The following RIN2 variants were observed in gnomAD, a reference collection of about 807,000 sequenced individuals.
The protein encoded by RIN2 is RAB5 interacting protein 2.
RIN2 carries 36 observed loss-of-function variants against 78.0 expected under a neutral mutation model. That is an observed-to-expected ratio of 0.46 (90% CI 0.35 to 0.61). The LOEUF (loss-of-function observed/expected upper bound fraction) is 0.61. Ranked by LOEUF, RIN2 falls within the 20% of genes least tolerant of loss-of-function variation. The probability of loss-of-function intolerance (pLI) is 0.00; values close to 1 mark genes in which losing one functional copy is unlikely to be tolerated. For missense variants in RIN2, 1,087 were observed against 1,159.7 expected (o/e 0.94, Z 0.91); for synonymous variants, 466 against 466.8 (o/e 1.00, Z 0.02).
intron 3 of RIN2, among the ~76,000 whole-genome samples, chr20:19,911,964 G>T (rs1300830628): frequency 2.1e-5 from 3 of 141,106 alleles, no homozygotes; most frequent in African/African-American, 8.2e-5. Context: ...CAAGACAGGG[G>T]CTGTCTGTGG....
chr20:19,800,993 G>A (rs1379740146), intron 2 of RIN2, among the ~76,000 whole-genome samples: 1 of 152,192 alleles, frequency 6.6e-6, no homozygotes. Context: ...TCTGGGCTGG[G>A]AGCTGGGCCT....
intron 2 of RIN2, among the ~76,000 whole-genome samples, chr20:19,804,560 G>T: frequency 6.6e-6 from 1 of 152,156 alleles, no homozygotes; most frequent in East Asian, 1.9e-4. Flanking sequence ...ACTTGATCGT[G>T]GTGAATAAGC....
At chr20:19,886,350 T>C (rs1259108863) in intron 2 of RIN2, among the ~76,000 whole-genome samples, 1 of 152,168 alleles carries the variant, frequency 6.6e-6, no homozygotes, top group Non-Finnish European at 1.5e-5. Flanking sequence ...CTTTCTGCTT[T>C]TTAAGGACAG....
chr20:19,916,458 GAAATAA>G (rs1402772004), intron 3 of RIN2, among the ~76,000 whole-genome samples: 3 of 152,120 alleles, frequency 2.0e-5, no homozygotes, highest in African/African-American at 7.2e-5. Context: ...ATCTGTACAA[GAAATAA>G]AAATATTAGC....
At chr20:19,919,227 G>A (rs935064780) in intron 3 of RIN2, among the ~76,000 whole-genome samples, 7 of 152,144 alleles carry the variant, frequency 4.6e-5, no homozygotes, top group East Asian at 1.9e-4. Flanking sequence ...AAGGCCTGCC[G>A]GTCATCTGCC....
At chr20:19,902,181 ATGTGGTG>A (rs1461641398) in intron 3 of RIN2, among the ~76,000 whole-genome samples, 2 of 152,318 alleles carry the variant, frequency 1.3e-5, no homozygotes, top group African/African-American at 4.8e-5. Context: ...TTTGTGAAGT[ATGTGGTG>A]GCTCCGTGGA....
chr20:19,847,171 G>A (rs1459354293), intron 2 of RIN2, among the ~76,000 whole-genome samples: 1 of 152,166 alleles, frequency 6.6e-6, no homozygotes, highest in African/African-American at 2.4e-5. Context: ...CCTCTTGAGG[G>A]ATGCTCATTG....
At chr20:19,851,050 GAGA>G (rs1286576973) in intron 2 of RIN2, among the ~76,000 whole-genome samples, 2,094 of 54,642 alleles carry the variant, frequency 0.038, 40 homozygotes, top group Non-Finnish European at 0.045. Flanking sequence ...AGGAAGGAAG[GAGA>G]AAGAAAGGAA....
At position 19,786,186 on chromosome 20, in the gene RIN2, GT is replaced by G. The variant is rs533208075; in HGVS notation, c.-162-13433del. On this transcript the variant is annotated intron_variant, in intron 1 of 12. Coordinates refer to ENST00000255006, the MANE Select transcript of RIN2 (RefSeq NM_018993.4). ...ATGCCTGTCTCTTGAGTCTGAGTGG[GT>G]TTGTGTCTCACTTGTACCCAATAGA... 3.2e-4 allele frequency among the ~76,000 whole-genome samples: 48 copies of G among 152,256 alleles called. No homozygotes were observed. In the East Asian group the frequency reaches 7.3e-3, roughly 23 times the overall value.
At chr20:19,900,628 C>T (rs1283350647) in intron 3 of RIN2, among the ~76,000 whole-genome samples, 1 of 147,098 alleles carries the variant, frequency 6.8e-6, no homozygotes. Context: ...GTCTCTACTA[C>T]ATTAAAAAAA....
At chr20:19,989,981 A>G (rs749510505) in intron 9 of RIN2, 25 bp from the exon 10 acceptor site, 12 of 1,509,580 alleles carry the variant, frequency 7.9e-6, no homozygotes, top group Non-Finnish European at 9.7e-6. Flanking sequence ...GACAATAGTC[A>G]TAGTAGCTAC....
rs754436901 is a variant in RIN2, at chr20:19,974,826, G to T, written c.801G>T (p.Gly267=). 6.2e-7 allele frequency: 1 copy of T among 1,613,950 alleles called. No individual in the cohort carries two copies. The highest frequency in any genetic ancestry group is 8.5e-7 in the Non-Finnish European group (1 of 1,179,886). The change falls in exon 9 of 13, where the codon GGG becomes GGT. Residue 267 remains glycine (G), a synonymous_variant. Coordinates refer to ENST00000255006, the MANE Select transcript of RIN2 (RefSeq NM_018993.4). ...AGCTGGAGTGCAGCCAGACCAACGG[G>T]GCCCTGTGCTTTATTAATCCCCTTT... ...PSELECSQTN[G]ALCFINPLFL...
chr20:19,841,491 G>C (rs958887264), intron 2 of RIN2, among the ~76,000 whole-genome samples: 12 of 152,130 alleles, frequency 7.9e-5, no homozygotes, highest in Non-Finnish European at 1.5e-4. Flanking sequence ...CATAAAGGCA[G>C]AGTCTCCTCT....
At chr20:19,826,092 T>C (rs2036081028) in intron 2 of RIN2, among the ~76,000 whole-genome samples, 1 of 144,944 alleles carries the variant, frequency 6.9e-6, no homozygotes, top group Non-Finnish European at 1.5e-5. Context: ...TGCATTATTA[T>C]GGTTAATATT....
chr20:19,757,790 A>G (rs890408083), upstream of RIN2: 1 of 151,906 alleles, frequency 6.6e-6, no homozygotes, highest in African/African-American at 2.4e-5. Flanking sequence ...CGAGAACAAA[A>G]CTCTGGTCCT....
intron 4 of RIN2, among the ~76,000 whole-genome samples, chr20:19,945,465 C>T (rs2041053520): frequency 6.6e-6 from 1 of 152,162 alleles, no homozygotes; most frequent in African/African-American, 2.4e-5. Flanking sequence ...TCCAAGAGCA[C>T]TTTCCTGCCA....
chr20:19,946,936 C>T (rs528045401), intron 4 of RIN2, among the ~76,000 whole-genome samples: 11 of 147,438 alleles, frequency 7.5e-5, no homozygotes, highest in Non-Finnish European at 8.9e-5. Flanking sequence ...GAGGCTGAGG[C>T]GGGAGAATTG....
chr20:19,869,841 A>C (rs2037634086), intron 2 of RIN2, among the ~76,000 whole-genome samples: 1 of 105,666 alleles, frequency 9.5e-6, no homozygotes. Context: ...TATTGTAGAG[A>C]AGGGGGTTCG....
intron 2 of RIN2, among the ~76,000 whole-genome samples, chr20:19,814,831 T>A (rs527284435): frequency 3.5e-4 from 54 of 152,126 alleles, no homozygotes; most frequent in African/African-American, 1.3e-3. Context: ...CCTCAAGTGA[T>A]CCGCCCACCT....
Sources: allele counts gnomAD v4.1 joint callset (sites outside exome capture counted in the v4.1 genomes callset), GRCh38; gene constraint gnomAD v4.1.1; transcripts MANE v1.5; gene names NCBI Gene and HGNC (gene_info 2026-07-23, HGNC 2026-07-21).